Variants in RTL9 observed in about 807,000 individuals in gnomAD.
RTL9 encodes retrotransposon Gag like 9.
RTL9 carries 19 observed loss-of-function variants against 44.7 expected under a neutral mutation model. The observed-to-expected ratio is 0.42, with a 90% CI of 0.30 to 0.62. RTL9 has a LOEUF of 0.62. RTL9 is among the 20% of genes least tolerant of loss of function. The pLI, the probability that RTL9 is intolerant of heterozygous loss-of-function variation, is 0.16. For synonymous variants in RTL9, 407 were observed against 398.9 expected (o/e 1.02, Z -0.24); for missense variants, 1,105 against 1,080.6 (o/e 1.02, Z -0.32).
At chrX:110,453,991 C>A in exon 1 of RTL9, 1 of 1,212,006 alleles carries the variant, frequency 8.3e-7, no homozygotes, top group South Asian at 1.8e-5. Flanking sequence ...CACATGACTG[C>A]CACAACTCCT....
chrX:110,408,941 A>T (rs2068622059), intron 1 of RTL9, among the ~76,000 whole-genome samples: 1 of 111,974 alleles, frequency 8.9e-6, no homozygotes, highest in African/African-American at 3.2e-5. Context: ...TAATTTCAGG[A>T]TAGTAAAGGG....
chrX:110,372,829 A>G (rs1295584503), intron 1 of RTL9, among the ~76,000 whole-genome samples: 1 of 111,665 alleles, frequency 9.0e-6, no homozygotes, highest in African/African-American at 3.3e-5. Context: ...CACCACTCAC[A>G]GGAAAAATGG....
At chrX:110,435,802 A>G (rs1238138185) in intron 1 of RTL9, among the ~76,000 whole-genome samples, 3 of 112,476 alleles carry the variant, frequency 2.7e-5, no homozygotes, top group African/African-American at 9.7e-5. Context: ...GTTTATATAT[A>G]TGTGTAATAT....
intron 1 of RTL9, among the ~76,000 whole-genome samples, chrX:110,392,582 C>T (rs2068502407): frequency 1.8e-5 from 2 of 112,131 alleles, no homozygotes; most frequent in Admixed American, 9.4e-5. Context: ...TGTGCCCAGC[C>T]TTCTACCACA....
chrX:110,374,430 C>T (rs1032076157), intron 1 of RTL9, among the ~76,000 whole-genome samples: 6 of 111,702 alleles, frequency 5.4e-5, no homozygotes, highest in African/African-American at 2.0e-4. Context: ...TTTAGTACAG[C>T]CTGAGATTGG....
At chrX:110,369,751 T>G (rs1195210917) in intron 1 of RTL9, among the ~76,000 whole-genome samples, 1 of 112,286 alleles carries the variant, frequency 8.9e-6, no homozygotes, top group African/African-American at 3.2e-5. Flanking sequence ...ATAATTCATT[T>G]TTAAACTGTA....
intron 1 of RTL9, among the ~76,000 whole-genome samples, chrX:110,404,539 A>T (rs1333993107): frequency 8.9e-6 from 1 of 112,329 alleles, no homozygotes; most frequent in Non-Finnish European, 1.9e-5. Context: ...TGATCATAAG[A>T]AACTGTAATT....
intron 1 of RTL9, among the ~76,000 whole-genome samples, chrX:110,426,449 A>C (rs1385953117): frequency 8.9e-6 from 1 of 111,738 alleles, no homozygotes; most frequent in Non-Finnish European, 1.9e-5. Context: ...ACGCACTGGA[A>C]AACTGCTCAT....
At chrX:110,444,723 T>G (rs1469576027) in intron 1 of RTL9, among the ~76,000 whole-genome samples, 2 of 112,391 alleles carry the variant, frequency 1.8e-5, no homozygotes. Flanking sequence ...CTGGTCTAAT[T>G]TTGAGTGTTC....
At chrX:110,404,625 C>A (rs1445041223) in intron 1 of RTL9, among the ~76,000 whole-genome samples, 1 of 111,729 alleles carries the variant, frequency 9.0e-6, no homozygotes, top group Non-Finnish European at 1.9e-5. Context: ...ATTACGGTAC[C>A]TCAGCCTATT....
At chrX:110,434,536 C>CA (rs2068822116) in intron 1 of RTL9, among the ~76,000 whole-genome samples, 2 of 111,319 alleles carry the variant, frequency 1.8e-5, no homozygotes, top group South Asian at 7.8e-4. Flanking sequence ...GGCTGGCTGT[C>CA]ATGGGGTCAA....
At chrX:110,415,065 G>A (rs775722753), upstream of RTL9, among the ~76,000 whole-genome samples, 2 of 112,029 alleles carry the variant, frequency 1.8e-5, no homozygotes, top group African/African-American at 6.5e-5. Flanking sequence ...ATCCCAGTGT[G>A]TTATAATTTC....
chrX:110,447,606 G>T (rs2068915451), upstream of RTL9, among the ~76,000 whole-genome samples: 1 of 110,831 alleles, frequency 9.0e-6, no homozygotes, highest in Non-Finnish European at 1.9e-5. Flanking sequence ...TGTGACCGTG[G>T]TCACATAGAC....
intron 1 of RTL9, among the ~76,000 whole-genome samples, chrX:110,383,111 C>G (rs1220163116): frequency 5.4e-5 from 6 of 111,674 alleles, no homozygotes; most frequent in Non-Finnish European, 7.5e-5. Flanking sequence ...ATCTCAGAAC[C>G]ACCCCTCTTC....
At chrX:110,386,422 A>C (rs192378714) in intron 1 of RTL9, among the ~76,000 whole-genome samples, 1 of 109,954 alleles carries the variant, frequency 9.1e-6, no homozygotes, top group East Asian at 2.8e-4. Flanking sequence ...TTTGATTTGC[A>C]TTTCTCTGAT....
chrX:110,439,185 G>A (rs1296029044), intron 1 of RTL9, among the ~76,000 whole-genome samples: 1 of 112,087 alleles, frequency 8.9e-6, no homozygotes, highest in African/African-American at 3.2e-5. Context: ...AGCCATTGGA[G>A]CTGCTTCAGG....
At chrX:110,382,020 A>T (rs991030289) in intron 1 of RTL9, among the ~76,000 whole-genome samples, 1 of 111,674 alleles carries the variant, frequency 9.0e-6, no homozygotes, top group Non-Finnish European at 1.9e-5. Flanking sequence ...AATTAAAAAA[A>T]ATTTAAACAG....
At chrX:110,403,309 C>T (rs1424119242) in intron 1 of RTL9, among the ~76,000 whole-genome samples, 1 of 112,199 alleles carries the variant, frequency 8.9e-6, no homozygotes, top group Non-Finnish European at 1.9e-5. Flanking sequence ...AAAACAATAA[C>T]AAAACCCATT....
intron 1 of RTL9, among the ~76,000 whole-genome samples, chrX:110,368,064 C>T (rs1479907957): frequency 9.4e-6 from 1 of 106,722 alleles, no homozygotes; most frequent in African/African-American, 3.4e-5. Context: ...TGGTCTTGAA[C>T]TTCTGGCCTA....
Sources: gnomAD v4.1 joint callset for allele counts (sites outside exome capture counted in the v4.1 genomes callset) on GRCh38, gnomAD v4.1.1 for gene constraint, MANE v1.5 for transcripts, NCBI Gene and HGNC (gene_info 2026-07-23, HGNC 2026-07-21) for gene names.